ACTL8: variants seen among roughly 807,000 people sequenced by gnomAD.
ACTL8 encodes actin-like protein 8.
In ACTL8, 3 loss-of-function variants were observed where a neutral mutation model predicts 9.3. That is an observed-to-expected ratio of 0.32 (90% CI 0.15 to 0.83). ACTL8 has a LOEUF of 0.83. Among genes scored for constraint, ACTL8 ranks in the 40% least tolerant of loss-of-function variants. The pLI is 0.57. For synonymous variants in ACTL8, 224 were observed against 205.9 expected (o/e 1.09, Z -0.75); for missense variants, 381 against 492.2 (o/e 0.77, Z 2.14).
chr1:17,776,208 G>A (rs139460949), intron 1 of ACTL8, among the ~76,000 whole-genome samples: 2 of 152,320 alleles, frequency 1.3e-5, no homozygotes, highest in East Asian at 1.9e-4. Context: ...AAGGTCCTAG[G>A]CAGGATGGGA....
At chr1:17,804,213 A>G (rs1291427669) in intron 1 of ACTL8, among the ~76,000 whole-genome samples, 3 of 152,158 alleles carry the variant, frequency 2.0e-5, no homozygotes, top group Non-Finnish European at 4.4e-5. Flanking sequence ...TGTAGTGGGA[A>G]ACACTAAAGG....
intron 1 of ACTL8, among the ~76,000 whole-genome samples, chr1:17,796,350 C>T (rs1007026559): frequency 1.4e-5 from 2 of 145,380 alleles, no homozygotes; most frequent in African/African-American, 5.1e-5. Flanking sequence ...GTAAGCACTC[C>T]CACTGTTTTA....
intron 1 of ACTL8, among the ~76,000 whole-genome samples, chr1:17,761,468 C>T (rs2066003312): frequency 6.6e-6 from 1 of 152,132 alleles, no homozygotes; most frequent in Non-Finnish European, 1.5e-5. Flanking sequence ...TGTGATCCGC[C>T]CAGGTAATCT....
Position 17,826,555 on chromosome 1 carries a change from A to C in ACTL8, c.*36A>C. On this transcript the variant is annotated 3_prime_UTR_variant, in exon 3 of 3. Transcript: ENST00000375406. This position sits in a 1 kb window ranked among gnomAD's most constrained non-coding sequence, Gnocchi z 4.5. ...TCACTCCTGAGAATGGGCTCCTGTT[A>C]GATGGGCACGGGCGGATTAATTTTA... 1 of 1,508,378 alleles carries C rather than the reference A, an allele frequency of 6.6e-7. No individual in the cohort carries two copies. Among genetic ancestry groups the C allele is most frequent in the Non-Finnish European group, 8.9e-7 (1 of 1,123,468 alleles). 93.4% of individuals were successfully genotyped at this position (1,508,378 alleles called of 1,614,324 possible). A position where few individuals can be genotyped will look rare whatever the true frequency, so the allele number is the denominator to read the frequency against.
intron 1 of ACTL8, among the ~76,000 whole-genome samples, chr1:17,788,877 G>T (rs1380311381): frequency 6.6e-6 from 1 of 152,220 alleles, no homozygotes; most frequent in African/African-American, 2.4e-5. Context: ...GGTGGGAGGG[G>T]CAGGGCCCCT....
intron 1 of ACTL8, among the ~76,000 whole-genome samples, chr1:17,756,541 G>A (rs2065970545): frequency 6.6e-6 from 1 of 152,158 alleles, no homozygotes; most frequent in Non-Finnish European, 1.5e-5. Flanking sequence ...TGTTAATTCA[G>A]TTCTCTATTA....
intron 1 of ACTL8, among the ~76,000 whole-genome samples, chr1:17,761,980 C>T (rs1236235649): frequency 1.3e-5 from 2 of 150,524 alleles, no homozygotes; most frequent in African/African-American, 2.4e-5. Context: ...TCCATGCGCT[C>T]ACCTGAGGTC....
At chr1:17,824,439 G>T (rs1234912852) in intron 2 of ACTL8, among the ~76,000 whole-genome samples, 1 of 152,178 alleles carries the variant, frequency 6.6e-6, no homozygotes, top group East Asian at 1.9e-4. Context: ...GATATTTAGG[G>T]TTTGGCAGAG....
chr1:17,776,055 G>T (rs772195743), intron 1 of ACTL8, among the ~76,000 whole-genome samples: 1 of 152,208 alleles, frequency 6.6e-6, no homozygotes, highest in Non-Finnish European at 1.5e-5. Flanking sequence ...AGGTCACATA[G>T]CCTGTAAATG....
chr1:17,803,867 A>G (rs1467542792), intron 1 of ACTL8, among the ~76,000 whole-genome samples: 2 of 152,142 alleles, frequency 1.3e-5, no homozygotes, highest in Non-Finnish European at 2.9e-5. Flanking sequence ...AGCTTTGCCA[A>G]TTTCCATCAC....
chr1:17,776,969 A>ATTTT lies in ACTL8; in HGVS notation c.-25+21498_-25+21501dup, dbSNP rs765972298. 6.7e-4 allele frequency among the ~76,000 whole-genome samples: 34 copies of ATTTT among 50,550 alleles called. 5 individuals are homozygous for ATTTT. The highest frequency in any genetic ancestry group is 2.0e-3 in the South Asian group (2 of 994). The allele number at this position is 50,550 out of a possible 152,430, so 33.2% of individuals were successfully genotyped here. On this transcript the variant is annotated intron_variant, in intron 1 of 2. Coordinates refer to ENST00000375406, the MANE Select transcript of ACTL8 (RefSeq NM_030812.3). ...CATCCACCACCGTTCCTGGCTAATG[A>ATTTT]TTTTTTTTTTTTTTTTTTTTTTTTT...
chr1:17,823,218 C>T lies in ACTL8; in HGVS notation c.210C>T (p.Gly70=). 3 of 1,614,176 alleles carry T rather than the reference C, an allele frequency of 1.9e-6. No homozygotes were observed. Among genetic ancestry groups the T allele is most frequent in the Non-Finnish European group, 2.5e-6 (3 of 1,180,038 alleles). Residue 70 remains glycine, a synonymous_variant, in exon 2 of 3, where the codon GGC becomes GGT. Transcript: ENST00000375406. This position sits in a 1 kb window ranked among gnomAD's most constrained non-coding sequence, Gnocchi z 5.3. Reference sequence around the variant, plus strand: ...CCTTTAGCTACCCCATCGAGCGGGGCCGCATCCTCAACTGGGAGGGTGTGC... The same window carrying T: ...CCTTTAGCTACCCCATCGAGCGGGGTCGCATCCTCAACTGGGAGGGTGTGC... ...PDTFSYPIER[G]RILNWEGVQY...
chr1:17,779,739 G>A (rs986302636), intron 1 of ACTL8, among the ~76,000 whole-genome samples: 2 of 152,148 alleles, frequency 1.3e-5, no homozygotes, highest in East Asian at 1.9e-4. Context: ...GCACACAGAC[G>A]TCCCGCTGCT....
intron 2 of ACTL8, among the ~76,000 whole-genome samples, chr1:17,825,084 G>A (rs1315860243): frequency 7.2e-6 from 1 of 139,142 alleles, no homozygotes; most frequent in Non-Finnish European, 1.5e-5. Context: ...GGGGGCAGGG[G>A]GGCTTTGTAA....
intron 1 of ACTL8, among the ~76,000 whole-genome samples, chr1:17,793,805 C>T (rs957008340): frequency 6.6e-6 from 1 of 152,156 alleles, no homozygotes; most frequent in Non-Finnish European, 1.5e-5. Flanking sequence ...CCTCTCCTGG[C>T]CCATGCTCTG....
intron 2 of ACTL8, among the ~76,000 whole-genome samples, chr1:17,825,376 CAGT>C (rs1400756214): frequency 6.6e-6 from 1 of 151,778 alleles, no homozygotes; most frequent in African/African-American, 2.4e-5. Flanking sequence ...TGTTTGGAGA[CAGT>C]GGTGAATACG....
chr1:17,801,381 ATCC>A (rs1273078010), intron 1 of ACTL8, among the ~76,000 whole-genome samples: 1 of 152,252 alleles, frequency 6.6e-6, no homozygotes, highest in Non-Finnish European at 1.5e-5. Flanking sequence ...TTAAACATCT[ATCC>A]TCTTATCTGA....
chr1:17,806,502 T>C (rs180894719), intron 1 of ACTL8, among the ~76,000 whole-genome samples: 2 of 152,316 alleles, frequency 1.3e-5, no homozygotes, highest in Admixed American at 1.3e-4. Flanking sequence ...TCCCTGGTAA[T>C]GAGGCCCAGT....
At chr1:17,756,288 G>A (rs2065968830) in intron 1 of ACTL8, among the ~76,000 whole-genome samples, 1 of 151,938 alleles carries the variant, frequency 6.6e-6, no homozygotes, top group East Asian at 1.9e-4. Context: ...TATCTTTGGG[G>A]AACCTATGAA....
Sources: gnomAD v4.1 joint callset for allele counts (sites outside exome capture counted in the v4.1 genomes callset) on GRCh38, gnomAD v4.1.1 for gene constraint, Gnocchi (gnomAD v3.1) non-coding constraint, MANE v1.5 for transcripts, NCBI Gene and HGNC (gene_info 2026-07-23, HGNC 2026-07-21) for gene names.